The following NCS1 variants were observed in gnomAD, a reference collection of about 807,000 sequenced individuals.
NCS1 encodes frequenin homolog.
NCS1 carries 6 observed loss-of-function variants against 28.4 expected under a neutral mutation model. That is an observed-to-expected ratio of 0.21 (90% CI 0.12 to 0.42). The LOEUF (loss-of-function observed/expected upper bound fraction) is 0.42, where lower values mean the gene tolerates loss of function less well. Among genes scored for constraint, NCS1 ranks in the 10% least tolerant of loss-of-function variants. NCS1 has a pLI of 1.00. For synonymous variants in NCS1, 86 were observed against 99.3 expected (o/e 0.87, Z 0.79); for missense variants, 131 against 241.4 (o/e 0.54, Z 3.03).
At position 130,236,248 on chromosome 9, in the gene NCS1, C is replaced by T. The variant is rs1228119113; in HGVS notation, c.*3276C>T. ...GGAAAAAGCCTCCATTGCCCACCCGCCAGGCGGAAAGTCACCCTGTTCCCA... is the reference window on the plus strand; with the variant it reads ...GGAAAAAGCCTCCATTGCCCACCCGTCAGGCGGAAAGTCACCCTGTTCCCA... On this transcript the variant is annotated 3_prime_UTR_variant, in exon 8 of 8. Transcript: ENST00000372398. 2.0e-5 allele frequency: 3 copies of T among 152,198 alleles called. No homozygotes were observed. The highest frequency in any genetic ancestry group is 4.4e-5 in the Non-Finnish European group (3 of 68,044). The allele number at this position is 152,198 out of a possible 1,614,324, so 9.4% of individuals were successfully genotyped here. A position where few individuals can be genotyped will look rare whatever the true frequency, so the allele number is the denominator to read the frequency against.
chr9:130,203,136 A>ATATATATATATTT (rs1471670630), intron 2 of NCS1, among the ~76,000 whole-genome samples: 1 of 108,456 alleles, frequency 9.2e-6, no homozygotes, highest in Non-Finnish European at 1.9e-5. Flanking sequence ...ATATATATAT[A>ATATATATATATTT]TTTTTTTTTT....
At chr9:130,183,310 G>A (rs371170159) in intron 1 of NCS1, among the ~76,000 whole-genome samples, 11 of 131,214 alleles carry the variant, frequency 8.4e-5, no homozygotes, top group African/African-American at 2.4e-4. Flanking sequence ...TGCGGCTGGG[G>A]GGGGGAGCTC....
At position 130,181,338 on chromosome 9, in the gene NCS1, T is replaced by G. The variant is rs1197640174; in HGVS notation, c.64+8611T>G. Among the ~76,000 whole-genome samples, 1 of 152,154 alleles carries G rather than the reference T, an allele frequency of 6.6e-6. No individual in the cohort carries two copies. The stretch of plus-strand genomic sequence containing the variant: ...CAGACGTTGAACTTGGCGGCTCATC[T>G]CGGCCCTCCTTTTGCTCCTGGTGGT... On this transcript the variant is annotated intron_variant, in intron 1 of 7. Transcript: ENST00000372398. This position sits in a 1 kb window ranked among gnomAD's most constrained non-coding sequence, Gnocchi z 5.0.
intron 7 of NCS1, among the ~76,000 whole-genome samples, chr9:130,227,338 G>C (rs1034740636): frequency 7.2e-5 from 11 of 152,150 alleles, no homozygotes; most frequent in Non-Finnish European, 1.5e-4. Context: ...TGTGAATAAC[G>C]TCCAAGGTAT....
In NCS1 at chr9:130,181,480, C is replaced by T. The variant is rs1401700303; in HGVS notation, c.64+8753C>T. Among the ~76,000 whole-genome samples, 1 of 149,980 alleles carries T rather than the reference C, an allele frequency of 6.7e-6. No homozygotes were observed. Among genetic ancestry groups the T allele is most frequent in the Non-Finnish European group, 1.5e-5 (1 of 67,922 alleles). ...CTGTCCTTGGTGTTCACGTGTGTTCCTCACCAATTCCACCCAGGAGCCCTG... is the reference window on the plus strand; with the variant it reads ...CTGTCCTTGGTGTTCACGTGTGTTCTTCACCAATTCCACCCAGGAGCCCTG... On this transcript the variant is annotated intron_variant, in intron 1 of 7. Coordinates refer to ENST00000372398, the MANE Select transcript of NCS1 (RefSeq NM_014286.4). The surrounding 1 kb of genome is among the most constrained non-coding windows in gnomAD (Gnocchi z 5.0).
chr9:130,190,637 G>A (rs1245424233), intron 1 of NCS1, among the ~76,000 whole-genome samples: 1 of 152,238 alleles, frequency 6.6e-6, no homozygotes, highest in Admixed American at 6.5e-5. Flanking sequence ...TGGGGCGTCA[G>A]AGATGCCAAA....
Position 130,180,660 on chromosome 9 carries a change from AG to A in NCS1, c.64+7934del, listed in dbSNP as rs2131116844. 6.6e-6 allele frequency among the ~76,000 whole-genome samples: 1 copy of A among 152,152 alleles called. No individual in the cohort carries two copies. Among genetic ancestry groups the A allele is most frequent in the South Asian group, 2.1e-4 (1 of 4,812 alleles). ...TCCTGGCCAGCTCCTTACGTCTCTG[AG>A]CTCTGAGGTCCCTTGCGCATGAGAC... On this transcript the variant is annotated intron_variant, in intron 1 of 7. Transcript: ENST00000372398. This position sits in a 1 kb window ranked among gnomAD's most constrained non-coding sequence, Gnocchi z 4.5.
intron 1 of NCS1, among the ~76,000 whole-genome samples, chr9:130,187,503 T>A (rs1237871724): frequency 6.6e-6 from 1 of 152,150 alleles, no homozygotes; most frequent in Non-Finnish European, 1.5e-5. Context: ...CCCAGCCAGT[T>A]GCCCTGGAAC....
At chr9:130,183,705 C>A (rs1378982037) in intron 1 of NCS1, among the ~76,000 whole-genome samples, 13 of 147,888 alleles carry the variant, frequency 8.8e-5, no homozygotes, top group African/African-American at 3.2e-4. Flanking sequence ...CTTTTTTTCT[C>A]TCTCTCCCTT....
intron 1 of NCS1, among the ~76,000 whole-genome samples, chr9:130,197,612 A>G (rs1554906982): frequency 2.0e-5 from 3 of 152,080 alleles, no homozygotes; most frequent in African/African-American, 7.2e-5. Flanking sequence ...GGCTGGCGGG[A>G]GGGCTGGGGG....
At chr9:130,188,690 C>T (rs1588111330) in intron 1 of NCS1, among the ~76,000 whole-genome samples, 1 of 151,652 alleles carries the variant, frequency 6.6e-6, no homozygotes, top group Non-Finnish European at 1.5e-5. Context: ...GGATTACAGG[C>T]ATGAGCCACT....
At chr9:130,183,843 T>C (rs1832704765) in intron 1 of NCS1, among the ~76,000 whole-genome samples, 1 of 150,432 alleles carries the variant, frequency 6.6e-6, no homozygotes. Context: ...AGAGTCTCGC[T>C]CTGTCGCCCA....
In NCS1 at chr9:130,222,885, T is replaced by TGGGC. The variant is rs373926602; in HGVS notation, c.396+148_396+151dup. On this transcript the variant is annotated intron_variant, in intron 5 of 7. Coordinates refer to ENST00000372398, the MANE Select transcript of NCS1 (RefSeq NM_014286.4). ...CTGAGCCGTTCTGTACATCTCTGCC[T>TGGGC]GGGCAGGCAGGCACAAGCTGGTAGA... 47 of 946,780 alleles carry TGGGC rather than the reference T, an allele frequency of 5.0e-5. 1 individual carries two copies. In the African/African-American group the frequency reaches 6.1e-4, roughly 12 times the overall value. The allele number at this position is 946,780 out of a possible 1,614,324, so 58.6% of individuals were successfully genotyped here.
chr9:130,191,727 C>CA lies in NCS1; in HGVS notation c.65-9230dup, dbSNP rs1554906267. On this transcript the variant is annotated intron_variant, in intron 1 of 7. Coordinates refer to ENST00000372398, the MANE Select transcript of NCS1 (RefSeq NM_014286.4). This position sits in a 1 kb window ranked among gnomAD's most constrained non-coding sequence, Gnocchi z 6.4. ...AGCACCCGATGGCGACAGTGGCCGT[C>CA]ACAGCTGCTCACTGCTGCACATGGC... 6.6e-6 allele frequency among the ~76,000 whole-genome samples: 1 copy of CA among 152,268 alleles called. No individual in the cohort carries two copies. Among genetic ancestry groups the CA allele is most frequent in the African/African-American group, 2.4e-5 (1 of 41,472 alleles).
chr9:130,190,902 G>A (rs1416521826), intron 1 of NCS1, among the ~76,000 whole-genome samples: 4 of 152,202 alleles, frequency 2.6e-5, no homozygotes, highest in Non-Finnish European at 5.9e-5. Context: ...AAGGGGCTGA[G>A]AGGGAAACGG....
At chr9:130,189,711 G>A (rs560266870) in intron 1 of NCS1, among the ~76,000 whole-genome samples, 4 of 151,416 alleles carry the variant, frequency 2.6e-5, no homozygotes, top group Non-Finnish European at 4.4e-5. Flanking sequence ...GTGTGGTGGC[G>A]CGTGCCTATA....
In NCS1 at chr9:130,181,773, G is replaced by T. The variant is rs1280539351; in HGVS notation, c.64+9046G>T. On this transcript the variant is annotated intron_variant, in intron 1 of 7. Transcript: ENST00000372398. This position sits in a 1 kb window ranked among gnomAD's most constrained non-coding sequence, Gnocchi z 5.0. ...AGGCAGGGCGGGTGCTGCGGGGCAC[G>T]TGGGCAAGTCCCGATTCACGTGGGC... is the stretch of plus-strand genomic sequence containing the variant. Among the ~76,000 whole-genome samples, 1 of 152,156 alleles carries T rather than the reference G, an allele frequency of 6.6e-6. No homozygotes were observed. The highest frequency in any genetic ancestry group is 1.5e-5 in the Non-Finnish European group (1 of 68,010).
chr9:130,179,871 G>T (rs1832629105), intron 1 of NCS1, among the ~76,000 whole-genome samples: 1 of 152,180 alleles, frequency 6.6e-6, no homozygotes, highest in South Asian at 2.1e-4. Context: ...GAAAGGTGAA[G>T]CATCTTCCCC....
intron 1 of NCS1, among the ~76,000 whole-genome samples, chr9:130,185,848 T>C (rs1832731210): frequency 6.6e-6 from 1 of 152,252 alleles, no homozygotes; most frequent in Non-Finnish European, 1.5e-5. Context: ...GCCGGGCCAT[T>C]GTTGTCTTCA....
Sources: gnomAD v4.1 joint callset for allele counts (sites outside exome capture counted in the v4.1 genomes callset) on GRCh38, gnomAD v4.1.1 for gene constraint, Gnocchi (gnomAD v3.1) non-coding constraint, MANE v1.5 for transcripts, NCBI Gene and HGNC (gene_info 2026-07-23, HGNC 2026-07-21) for gene names.